The following EYA2 variants were observed in gnomAD, a reference collection of about 807,000 sequenced individuals.
EYA2 encodes EYA transcriptional coactivator and phosphatase 2, also known as protein phosphatase EYA2.
In EYA2, 31 loss-of-function variants were observed where a neutral mutation model predicts 69.2. The observed-to-expected ratio is 0.45, with a 90% confidence interval of 0.34 to 0.60. The LOEUF is 0.60. Among genes scored for constraint, EYA2 ranks in the 20% least tolerant of loss-of-function variants. The pLI, the probability that EYA2 is intolerant of heterozygous loss-of-function variation, is 0.02. For missense variants in EYA2, 622 were observed against 701.2 expected, an observed-to-expected ratio of 0.89 and a Z score of 1.28; for synonymous variants, 257 against 279.4, an observed-to-expected ratio of 0.92 and a Z score of 0.80.
intron 1 of EYA2, among the ~76,000 whole-genome samples, chr20:46,953,330 C>T (rs981362273): frequency 1.3e-5 from 2 of 152,086 alleles, no homozygotes; most frequent in African/African-American, 4.8e-5. Flanking sequence ...GGTTATGGAA[C>T]CTCAGTGCTA....
intron 8 of EYA2, among the ~76,000 whole-genome samples, chr20:47,091,576 CAAAAA>C (rs11313572): frequency 2.4e-5 from 2 of 83,280 alleles, no homozygotes; most frequent in Admixed American, 2.7e-4. Context: ...CCATCTCTAC[CAAAAA>C]AAAAAAAAAA....
At chr20:46,970,196 T>C (rs1980054394) in intron 1 of EYA2, among the ~76,000 whole-genome samples, 1 of 152,254 alleles carries the variant, frequency 6.6e-6, no homozygotes, top group African/African-American at 2.4e-5. Context: ...GTGAAAGTAC[T>C]TCCTAAAATC....
intron 15 of EYA2, among the ~76,000 whole-genome samples, chr20:47,186,780 T>G (rs1021438456): frequency 2.0e-5 from 3 of 152,194 alleles, no homozygotes; most frequent in Non-Finnish European, 2.9e-5. Context: ...GACATTTTAT[T>G]TACACCTGCC....
chr20:47,032,270 C>G (rs533297386), intron 5 of EYA2, among the ~76,000 whole-genome samples: 1 of 152,162 alleles, frequency 6.6e-6, no homozygotes, highest in African/African-American at 2.4e-5. Context: ...TCCCTGGGCC[C>G]GGGGAACATG....
intron 9 of EYA2, among the ~76,000 whole-genome samples, chr20:47,102,404 G>A (rs193076177): frequency 3.9e-5 from 6 of 152,338 alleles, no homozygotes; most frequent in Admixed American, 1.3e-4. Flanking sequence ...TTCCAGAAGA[G>A]TATGAAGGCC....
intron 1 of EYA2, among the ~76,000 whole-genome samples, chr20:46,906,451 T>C (rs1384534284): frequency 6.6e-6 from 1 of 152,242 alleles, no homozygotes; most frequent in African/African-American, 2.4e-5. Context: ...GGGACATTGG[T>C]AAAGTCATCT....
At chr20:46,984,408 GA>G (rs1480130537) in intron 1 of EYA2, among the ~76,000 whole-genome samples, 15 of 151,438 alleles carry the variant, frequency 9.9e-5, no homozygotes, top group African/African-American at 2.9e-4. Context: ...AAACCCAGTA[GA>G]AAAATGGGCA....
At chr20:46,921,732 A>T (rs1985189074) in intron 1 of EYA2, among the ~76,000 whole-genome samples, 1 of 152,382 alleles carries the variant, frequency 6.6e-6, no homozygotes, top group East Asian at 1.9e-4. Context: ...AGGAAGACAG[A>T]GACAAGATAT....
At chr20:47,143,688 G>A (rs182784701) in intron 10 of EYA2, among the ~76,000 whole-genome samples, 107 of 152,250 alleles carry the variant, frequency 7.0e-4, no homozygotes, top group African/African-American at 2.5e-3. Flanking sequence ...GAAAAAAGCG[G>A]GAGAGCAGCT....
rs575661563 is a variant in EYA2, at chr20:46,987,190, CTG to C, written c.-10-2808_-10-2807del. Among the ~76,000 whole-genome samples the C allele has an allele frequency of 7.2e-4, 110 of 152,314 alleles. 1 individual carries two copies. The South Asian group carries it at 8.1e-3, about 11-fold the overall frequency. On this transcript the variant is annotated intron_variant, in intron 1 of 15. Transcript: ENST00000327619. ...TCTGTTGAAACTACTCCGCTTAACA[CTG>C]TGGTGTGAAAGTAACCACAGACAGG...
intron 10 of EYA2, among the ~76,000 whole-genome samples, chr20:47,145,104 G>A (rs2033673861): frequency 6.6e-6 from 1 of 152,100 alleles, no homozygotes; most frequent in African/African-American, 2.4e-5. Context: ...TGAATCTCTA[G>A]GGCCCAGGCA....
At chr20:46,951,868 T>C (rs111493082) in intron 1 of EYA2, among the ~76,000 whole-genome samples, 3 of 152,314 alleles carry the variant, frequency 2.0e-5, no homozygotes, top group African/African-American at 7.2e-5. Context: ...CAGAGAAATA[T>C]TCAGAAGCAT....
At chr20:47,020,142 G>GA (rs1295160807) in intron 5 of EYA2, among the ~76,000 whole-genome samples, 3 of 72,920 alleles carry the variant, frequency 4.1e-5, no homozygotes, top group Admixed American at 3.6e-4. Context: ...CTCAAAAAAA[G>GA]AAAAAATATA....
At chr20:46,955,224 C>T (rs946764324) in intron 1 of EYA2, among the ~76,000 whole-genome samples, 3 of 151,882 alleles carry the variant, frequency 2.0e-5, no homozygotes, top group Admixed American at 2.0e-4. Context: ...GCAGCCTCCG[C>T]CTCCTGGGTT....
intron 5 of EYA2, among the ~76,000 whole-genome samples, chr20:47,070,366 G>A (rs778092893): frequency 4.6e-5 from 7 of 152,212 alleles, no homozygotes; most frequent in Admixed American, 6.5e-5. Flanking sequence ...CACATACTTC[G>A]TAGAGTGGCT....
intron 1 of EYA2, chr20:46,901,605 T>TA (rs1488347009): frequency 1.3e-5 from 2 of 152,224 alleles, no homozygotes; most frequent in African/African-American, 4.8e-5. Context: ...GGGTGTGTAT[T>TA]ATTTGCACAT....
intron 1 of EYA2, among the ~76,000 whole-genome samples, chr20:46,967,434 AT>A (rs909259869): frequency 6.6e-6 from 1 of 152,236 alleles, no homozygotes; most frequent in African/African-American, 2.4e-5. Context: ...AAATGTCATG[AT>A]TGACAAGTTC....
At chr20:47,119,294 C>T (rs1199580647) in intron 9 of EYA2, among the ~76,000 whole-genome samples, 1 of 152,202 alleles carries the variant, frequency 6.6e-6, no homozygotes, top group Non-Finnish European at 1.5e-5. Context: ...TGTCCCCTCA[C>T]CATGCCTGCT....
intron 2 of EYA2, among the ~76,000 whole-genome samples, chr20:46,993,219 T>C (rs1436735733): frequency 6.6e-6 from 1 of 152,204 alleles, no homozygotes; most frequent in East Asian, 1.9e-4. Context: ...TGAAATGAGT[T>C]GAAACAGGGA....
Sources: allele counts gnomAD v4.1 joint callset (sites outside exome capture counted in the v4.1 genomes callset), GRCh38; gene constraint gnomAD v4.1.1; transcripts MANE v1.5; gene names NCBI Gene and HGNC (gene_info 2026-07-23, HGNC 2026-07-21).